Variants in MED13L observed in about 807,000 individuals in gnomAD.
MED13L encodes mediator complex subunit 13L.
Under a neutral mutation model 220.9 loss-of-function variants are expected in MED13L, and 7 were observed. The observed-to-expected ratio is 0.03, with a 90% CI of 0.02 to 0.06. The LOEUF is 0.06. Among genes scored for constraint, MED13L ranks in the 10% least tolerant of loss-of-function variants. MED13L has a pLI of 1.00. For synonymous variants in MED13L, 1,011 were observed against 1,015.2 expected, an observed-to-expected ratio of 1.00 and a Z score of 0.08; for missense variants, 1,965 against 2,760.5, an observed-to-expected ratio of 0.71 and a Z score of 6.46.
In MED13L at chr12:116,026,766, G is replaced by C. The variant is rs528412950; in HGVS notation, c.480-4165C>G. ...GAAAGTTGAATCCCCCTGTGACCTA[G>C]CAACAGCACTTCTAAGAATTTATCC... is the stretch of plus-strand genomic sequence containing the variant. On this transcript the variant is annotated intron_variant, in intron 4 of 30. Coordinates refer to ENST00000281928, the MANE Select transcript of MED13L (RefSeq NM_015335.5). 8.7e-4 allele frequency among the ~76,000 whole-genome samples: 132 copies of C among 152,280 alleles called. 1 individual carries two copies. Among genetic ancestry groups the C allele is most frequent in the African/African-American group, 3.1e-3 (127 of 41,548 alleles).
At chr12:116,024,132 A>G in intron 4 of MED13L, among the ~76,000 whole-genome samples, 1 of 152,210 alleles carries the variant, frequency 6.6e-6, no homozygotes, top group Admixed American at 6.5e-5. Context: ...AAATAAATGT[A>G]GACTACAGCC....
At chr12:116,147,306 T>A (rs1877608587) in intron 2 of MED13L, among the ~76,000 whole-genome samples, 1 of 152,228 alleles carries the variant, frequency 6.6e-6, no homozygotes, top group Non-Finnish European at 1.5e-5. Context: ...TGACTTTACT[T>A]GTATAATTTG....
Position 116,079,754 on chromosome 12 carries a change from C to T in MED13L, c.479+16915G>A, listed in dbSNP as rs1871097331. Reference sequence around the variant, plus strand: ...GTTTTACCATGTTGCCTAGGCTGGTCTCGAATTCCTGGGCTCAAGCGATTC... The same window carrying T: ...GTTTTACCATGTTGCCTAGGCTGGTTTCGAATTCCTGGGCTCAAGCGATTC... On this transcript the variant is annotated intron_variant, in intron 4 of 30. Coordinates refer to ENST00000281928, the MANE Select transcript of MED13L (RefSeq NM_015335.5). Among the ~76,000 whole-genome samples the T allele has an allele frequency of 2.6e-5, 4 of 152,220 alleles. No homozygotes were observed. In the South Asian group the frequency reaches 8.3e-4, roughly 32 times the overall value.
At chr12:115,980,014 C>T (rs1024419041) in intron 23 of MED13L, among the ~76,000 whole-genome samples, 1 of 152,184 alleles carries the variant, frequency 6.6e-6, no homozygotes, top group Non-Finnish European at 1.5e-5. Context: ...GAGAAATCAA[C>T]TTCCTCTAAG....
At chr12:115,996,965 T>C in intron 15 of MED13L, 45 bp downstream of exon 15, 1 of 1,562,944 alleles carries the variant, frequency 6.4e-7, no homozygotes, top group Non-Finnish European at 8.8e-7. Flanking sequence ...GTGAATCCAC[T>C]TGGAAACTGC....
At chr12:116,255,658 C>G (rs998574534) in intron 1 of MED13L, among the ~76,000 whole-genome samples, 1 of 152,180 alleles carries the variant, frequency 6.6e-6, no homozygotes, top group Admixed American at 6.5e-5. Flanking sequence ...TCCAAGAATT[C>G]TTCCAATTCA....
chr12:116,050,900 G>C (rs568101539), intron 4 of MED13L, among the ~76,000 whole-genome samples: 2 of 151,966 alleles, frequency 1.3e-5, no homozygotes, highest in African/African-American at 4.8e-5. Context: ...GATCATGCAC[G>C]CCAGCCTGGG....
At chr12:116,175,656 G>A (rs994971131) in intron 2 of MED13L, among the ~76,000 whole-genome samples, 1 of 152,088 alleles carries the variant, frequency 6.6e-6, no homozygotes, top group African/African-American at 2.4e-5. Context: ...AAGTCAGGAC[G>A]TCCTTGATGA....
At chr12:116,113,282 A>G (rs1433333103) in intron 2 of MED13L, among the ~76,000 whole-genome samples, 1 of 151,854 alleles carries the variant, frequency 6.6e-6, no homozygotes, top group Non-Finnish European at 1.5e-5. Context: ...ATTTTCTTCC[A>G]CTGGTGACAC....
At chr12:116,197,197 C>T (rs1451178888) in intron 2 of MED13L, among the ~76,000 whole-genome samples, 5 of 152,294 alleles carry the variant, frequency 3.3e-5, no homozygotes, top group Middle Eastern at 3.4e-3. Context: ...TGCAGCCTAA[C>T]TGCAAAGATG....
At chr12:115,979,082 C>T (rs896827560) in intron 23 of MED13L, among the ~76,000 whole-genome samples, 1 of 152,162 alleles carries the variant, frequency 6.6e-6, no homozygotes, top group African/African-American at 2.4e-5. Context: ...CAGACTGAGG[C>T]AGAGGCAGCA....
At chr12:115,972,290 A>G (rs943862394) in intron 25 of MED13L, 54 bp from the exon 26 acceptor site, 1 of 1,599,522 alleles carries the variant, frequency 6.3e-7, no homozygotes, top group African/African-American at 1.3e-5. Context: ...TACTGATGGG[A>G]GATTTGAGCT....
At chr12:116,276,961 G>A in intron 1 of MED13L, 99 bp downstream of exon 1, 1 of 1,314,766 alleles carries the variant, frequency 7.6e-7, no homozygotes, top group South Asian at 1.3e-5. Flanking sequence ...AGGGAGGGGC[G>A]AAGTCCCGGC....
At chr12:116,235,447 C>A (rs1162469004) in intron 2 of MED13L, among the ~76,000 whole-genome samples, 3 of 152,044 alleles carry the variant, frequency 2.0e-5, no homozygotes, top group Non-Finnish European at 2.9e-5. Flanking sequence ...TGTATGGTAC[C>A]AATTTCATTT....
At chr12:116,159,648 A>G (rs1290786678) in intron 2 of MED13L, among the ~76,000 whole-genome samples, 1 of 152,206 alleles carries the variant, frequency 6.6e-6, no homozygotes, top group African/African-American at 2.4e-5. Context: ...CTTGTTTTGT[A>G]AGCTGTTTGT....
Position 116,008,430 on chromosome 12 carries a change from C to T in MED13L, c.1983G>A (p.Glu661=). The stretch of plus-strand genomic sequence containing the variant: ...GCAATGCAGTGCTCTCTGAGTTTAC[C>T]TCCATTTTGGCATCACATCTCTCAC... ...LQGERCDAKM[E]VNSESTALQR... is the part of the protein sequence containing the mutation. The change falls in exon 10 of 31, where the codon GAG becomes GAA. Residue 661 remains glutamate, a synonymous_variant. Transcript: ENST00000281928. 1 of 1,611,902 alleles carries T rather than the reference C, an allele frequency of 6.2e-7. No homozygotes were observed. Among genetic ancestry groups the T allele is most frequent in the Non-Finnish European group, 8.5e-7 (1 of 1,179,596 alleles).
At position 116,159,390 on chromosome 12, in the gene MED13L, A is replaced by C. The variant is rs552788881; in HGVS notation, c.311-47878T>G. Among the ~76,000 whole-genome samples, 4 of 152,328 alleles carry C rather than the reference A, an allele frequency of 2.6e-5. 1 individual carries two copies. Among genetic ancestry groups the C allele is most frequent in the Admixed American group, 2.6e-4 (4 of 15,294 alleles). ...ATTTTAACCAAGTGGACAGAAAAAGAAGCAGATGGATTTGAACACTATTTT... is the reference window on the plus strand; with the variant it reads ...ATTTTAACCAAGTGGACAGAAAAAGCAGCAGATGGATTTGAACACTATTTT... On this transcript the variant is annotated intron_variant, in intron 2 of 30. Coordinates refer to ENST00000281928, the MANE Select transcript of MED13L (RefSeq NM_015335.5).
rs779614784 is a variant in MED13L, at chr12:116,015,220, C to T, written c.1064G>A (p.Gly355Glu). ...AASHLVSQDG[G>E]MITMHSPKRS... ...CTTTGGACTGTGCATCGTTATCATC[C>T]CTCCATCTTGGGAAACCAGGTGACT... The change falls in exon 8 of 31, where the codon GGG becomes GAG. Residue 355 changes from glycine to glutamate, a missense_variant. Physicochemically the swap from Gly to Glu is moderately conservative, Grantham distance 98. Transcript: ENST00000281928. 4 of 1,613,890 alleles carry T rather than the reference C, an allele frequency of 2.5e-6. No homozygotes were observed. The highest frequency in any genetic ancestry group is 3.4e-6 in the Non-Finnish European group (4 of 1,179,862).
chr12:115,971,326 A>C (rs1180772165), intron 26 of MED13L, among the ~76,000 whole-genome samples: 2 of 152,160 alleles, frequency 1.3e-5, no homozygotes, highest in Non-Finnish European at 2.9e-5. Flanking sequence ...GCGGCAACAG[A>C]GGTAACCTAT....
Sources: gnomAD v4.1 joint callset for allele counts (sites outside exome capture counted in the v4.1 genomes callset) on GRCh38, gnomAD v4.1.1 for gene constraint, MANE v1.5 for transcripts, NCBI Gene and HGNC (gene_info 2026-07-23, HGNC 2026-07-21) for gene names.